Variants in TAB2 observed in about 807,000 individuals in gnomAD.
The protein encoded by TAB2 is TGF-beta-activated kinase 1 and MAP3K7-binding protein 2.
A neutral mutation model predicts 65.0 loss-of-function variants in TAB2; 3 were observed. The ratio of observed to expected loss-of-function variants is 0.05; its 90% CI spans 0.02 to 0.12. The LOEUF (loss-of-function observed/expected upper bound fraction) is 0.12, where lower values mean the gene tolerates loss of function less well. Among genes scored for constraint, TAB2 ranks in the 10% least tolerant of loss-of-function variants. The pLI is 1.00. For synonymous variants in TAB2, 298 were observed against 285.1 expected (o/e 1.05, Z -0.46); for missense variants, 623 against 840.3 (o/e 0.74, Z 3.20).
rs148552779 is a variant in TAB2 at position 149,395,416 on chromosome 6, A to G, written c.1604-2188A>G. 4.5e-3 allele frequency among the ~76,000 whole-genome samples: 691 copies of G among 152,232 alleles called. 5 individuals are homozygous for G. The highest frequency in any genetic ancestry group is 0.016 in the African/African-American group (669 of 41,548). On this transcript the variant is annotated intron_variant, in intron 3 of 6. Coordinates refer to ENST00000637181, the MANE Select transcript of TAB2 (RefSeq NM_001292034.3). Reference sequence around the variant, plus strand: ...CCTTTCCTGCTATCTAGGTTTAATTAAATTTCCCTCATTTCTCCTTAGGTT... The same window carrying G: ...CCTTTCCTGCTATCTAGGTTTAATTGAATTTCCCTCATTTCTCCTTAGGTT...
At chr6:149,397,351 G>A (rs1449342741) in intron 3 of TAB2, among the ~76,000 whole-genome samples, 5 of 151,646 alleles carry the variant, frequency 3.3e-5, no homozygotes, top group Admixed American at 6.6e-5. Context: ...TGAGGCAGGA[G>A]AATCACTTGA....
chr6:149,227,477 C>T (rs1294861140), intron 1 of TAB2, among the ~76,000 whole-genome samples: 1 of 152,048 alleles, frequency 6.6e-6, no homozygotes, highest in Admixed American at 6.6e-5. Flanking sequence ...TTACCACCAA[C>T]AAGCAGACAA....
intron 1 of TAB2, among the ~76,000 whole-genome samples, chr6:149,261,121 T>C (rs184433803): frequency 6.6e-5 from 10 of 152,258 alleles, no homozygotes; most frequent in African/African-American, 1.9e-4. Context: ...AGGCAAGAAA[T>C]ATACATTTCA....
chr6:149,277,653 A>T (rs1040445472), intron 1 of TAB2, among the ~76,000 whole-genome samples: 6 of 152,192 alleles, frequency 3.9e-5, no homozygotes, highest in African/African-American at 1.4e-4. Context: ...ATAAATAGGT[A>T]CTATAATACC....
intron 1 of TAB2, among the ~76,000 whole-genome samples, chr6:149,355,390 G>T (rs962294864): frequency 6.6e-6 from 1 of 152,060 alleles, no homozygotes; most frequent in Non-Finnish European, 1.5e-5. Context: ...CTTAGGGCAG[G>T]TGTGGTGGCT....
At chr6:149,271,176 C>G (rs1435764693) in intron 1 of TAB2, among the ~76,000 whole-genome samples, 2 of 151,900 alleles carry the variant, frequency 1.3e-5, no homozygotes, top group Non-Finnish European at 2.9e-5. Context: ...CCACTGTACT[C>G]CAGCCTGAGT....
chr6:149,361,015 C>T (rs1476088853), intron 1 of TAB2, among the ~76,000 whole-genome samples: 3 of 152,226 alleles, frequency 2.0e-5, no homozygotes, highest in South Asian at 4.1e-4. Context: ...GGTTCAGCCA[C>T]GGCAGGTGTT....
In TAB2 at chr6:149,353,652, A is replaced by G. The variant is rs79669691; in HGVS notation, c.-89-16257A>G. ...TGAATATAAAGTCGTATTCTGAGGA[A>G]ATAATTTAAATATGGAAATGGTCCA... On this transcript the variant is annotated intron_variant, in intron 1 of 6. Coordinates refer to ENST00000637181, the MANE Select transcript of TAB2 (RefSeq NM_001292034.3). Among the ~76,000 whole-genome samples the G allele has an allele frequency of 2.8e-3, 424 of 152,382 alleles. 2 individuals carry two copies. Among genetic ancestry groups the G allele is most frequent in the African/African-American group, 9.9e-3 (411 of 41,586 alleles).
chr6:149,380,782 A>G (rs535511964), intron 3 of TAB2, among the ~76,000 whole-genome samples: 1 of 152,300 alleles, frequency 6.6e-6, no homozygotes, highest in Admixed American at 6.5e-5. Flanking sequence ...CCCTACTGTC[A>G]CTAATATCCT....
chr6:149,222,104 G>A (rs901049720), intron 1 of TAB2, among the ~76,000 whole-genome samples: 3 of 152,160 alleles, frequency 2.0e-5, no homozygotes, highest in Non-Finnish European at 2.9e-5. Context: ...CTCTAACCCG[G>A]AACAGCCATT....
chr6:149,381,893 T>A (rs1288064164), intron 3 of TAB2, among the ~76,000 whole-genome samples: 5 of 152,084 alleles, frequency 3.3e-5, no homozygotes, highest in African/African-American at 1.2e-4. Flanking sequence ...ACTTCCCCCA[T>A]CATCACTACT....
intron 6 of TAB2, chr6:149,400,915 G>C (rs1476201843): frequency 8.0e-6 from 4 of 502,258 alleles, no homozygotes; most frequent in African/African-American, 7.8e-5. Context: ...TGTTTTGATT[G>C]ACATCAAGTG....
At position 149,236,333 on chromosome 6, in the gene TAB2, G is replaced by A. The variant is rs142807839; in HGVS notation, c.-121+17557G>A. ...ACAGGATCAAACAATAGGAGGTATTGTTGGCTGAAGCTTCTATATCTCTAA... is the reference window on the plus strand; with the variant it reads ...ACAGGATCAAACAATAGGAGGTATTATTGGCTGAAGCTTCTATATCTCTAA... On this transcript the variant is annotated intron_variant, in intron 1 of 1. Coordinates refer to the TAB2 transcript ENST00000606202. 4.4e-3 allele frequency among the ~76,000 whole-genome samples: 672 copies of A among 152,360 alleles called. 3 individuals carry two copies. The highest frequency in any genetic ancestry group is 0.01 in the Admixed American group (156 of 15,312).
At chr6:149,258,416 TACACACACACAC>T (rs56710457) in intron 1 of TAB2, among the ~76,000 whole-genome samples, 8 of 146,200 alleles carry the variant, frequency 5.5e-5, no homozygotes, top group East Asian at 4.1e-4. Flanking sequence ...CATGACTGCC[TACACACACACAC>T]ACACACACAC....
intron 3 of TAB2, among the ~76,000 whole-genome samples, chr6:149,382,347 C>T (rs533437668): frequency 6.6e-6 from 1 of 152,194 alleles, no homozygotes; most frequent in Non-Finnish European, 1.5e-5. Flanking sequence ...CCTGTAGTCC[C>T]AGCACTTTGG....
intron 1 of TAB2, among the ~76,000 whole-genome samples, chr6:149,225,941 A>G (rs2114626668): frequency 6.6e-6 from 1 of 152,098 alleles, no homozygotes; most frequent in South Asian, 2.1e-4. Context: ...AAGCAAGGGA[A>G]CACAAGCAGA....
intron 1 of TAB2, among the ~76,000 whole-genome samples, chr6:149,224,734 A>G (rs1305681911): frequency 6.6e-6 from 1 of 152,228 alleles, no homozygotes; most frequent in Admixed American, 6.5e-5. Context: ...GGCATGTAAG[A>G]ATATACTTTG....
chr6:149,410,390 T>C lies in TAB2; in HGVS notation c.*671T>C, dbSNP rs1782810061. On this transcript the variant is annotated 3_prime_UTR_variant, in exon 7 of 7. Coordinates refer to ENST00000637181, the MANE Select transcript of TAB2 (RefSeq NM_001292034.3). ...TCTCGAGTCTGCTTTAAGTGATTTC[T>C]TTTCTTCTTGATTATTTTCTTATAT... is the stretch of plus-strand genomic sequence containing the variant. The C allele has an allele frequency of 6.5e-6, 1 of 152,812 alleles. No homozygotes were observed. Among genetic ancestry groups the C allele is most frequent in the Non-Finnish European group, 1.5e-5 (1 of 68,160 alleles). The allele number at this position is 152,812 out of a possible 1,614,324, so 9.5% of individuals were successfully genotyped here. A position where few individuals can be genotyped will look rare whatever the true frequency, so the allele number is the denominator to read the frequency against.
chr6:149,365,102 G>T lies in TAB2; in HGVS notation c.-89-4807G>T, dbSNP rs189468266. On this transcript the variant is annotated intron_variant, in intron 1 of 6. Coordinates refer to ENST00000637181, the MANE Select transcript of TAB2 (RefSeq NM_001292034.3). The stretch of plus-strand genomic sequence containing the variant: ...GATCATTTTAGCTGGTGGAAGTTTA[G>T]ATGCCAGAACTTTATACCTATTGCT... Among the ~76,000 whole-genome samples, 520 of 152,248 alleles carry T rather than the reference G, an allele frequency of 3.4e-3. 1 individual carries two copies. In the Middle Eastern group the frequency reaches 0.037, roughly 11 times the overall value.
Sources: allele counts gnomAD v4.1 joint callset (sites outside exome capture counted in the v4.1 genomes callset), GRCh38; gene constraint gnomAD v4.1.1; transcripts MANE v1.5; gene names NCBI Gene and HGNC (gene_info 2026-07-23, HGNC 2026-07-21).